SNRPB: variants seen among roughly 807,000 people sequenced by gnomAD.
SNRPB encodes the protein small nuclear ribonucleoprotein-associated proteins B and B'.
SNRPB carries 5 observed loss-of-function variants against 26.6 expected under a neutral mutation model. The observed-to-expected ratio is 0.19, with a 90% confidence interval of 0.10 to 0.39. The LOEUF (loss-of-function observed/expected upper bound fraction) is 0.39, where lower values mean the gene tolerates loss of function less well. SNRPB is among the 10% of genes least tolerant of loss of function. The probability of loss-of-function intolerance (pLI) is 1.00; values close to 1 mark genes in which losing one functional copy is unlikely to be tolerated. For missense variants in SNRPB, 211 were observed against 311.9 expected, an observed-to-expected ratio of 0.68 and a Z score of 2.44; for synonymous variants, 122 against 105.8, an observed-to-expected ratio of 1.15 and a Z score of -0.94.
intron 3 of SNRPB, among the ~76,000 whole-genome samples, chr20:2,465,092 T>C (rs995164970): frequency 6.6e-6 from 1 of 152,214 alleles, no homozygotes; most frequent in Admixed American, 6.5e-5. Context: ...AGAATTTATC[T>C]CTAAAGAGAC....
Position 2,465,776 on chromosome 20 carries a change from G to A in SNRPB, c.199C>T (p.Leu67Phe). 1 of 1,613,592 alleles carries A rather than the reference G, an allele frequency of 6.2e-7. No individual in the cohort carries two copies. Among genetic ancestry groups the A allele is most frequent in the Admixed American group, 1.7e-5 (1 of 59,958 alleles). The change falls in exon 3 of 7, where the codon CTC (leucine) becomes TTC (phenylalanine). Residue 67 changes from leucine to phenylalanine, a missense_variant. Leu to Phe is a conservative substitution (Grantham distance 22). Coordinates refer to ENST00000381342, the MANE Select transcript of SNRPB (RefSeq NM_003091.4). ...KQAEREEKRV[L>F]GLVLLRGENL... Reference sequence around the variant, plus strand: ...TCCCCTCGCAGCAGCACCAGACCGAGGACTCGCTTCTCTTCCCTTTCTGCT... The same window carrying A: ...TCCCCTCGCAGCAGCACCAGACCGAAGACTCGCTTCTCTTCCCTTTCTGCT...
At position 2,465,793 on chromosome 20, in the gene SNRPB, C is replaced by T. The variant is rs1378977304; in HGVS notation, c.182G>A (p.Arg61Lys). ...CAGACCGAGGACTCGCTTCTCTTCC[C>T]TTTCTGCTTGTTTGGAGTTCTTTGG... ...IKPKNSKQAE[R>K]EEKRVLGLVL... The change falls in exon 3 of 7, where the codon AGG becomes AAG. Residue 61 changes from arginine (R) to lysine (K), a missense_variant. By Grantham distance (26) the Arg-to-Lys change is conservative. Transcript: ENST00000381342. 1.2e-6 allele frequency: 2 copies of T among 1,613,588 alleles called. No homozygotes were observed. Among genetic ancestry groups the T allele is most frequent in the South Asian group, 2.2e-5 (2 of 91,050 alleles).
chr20:2,462,466 G>C, intron 6 of SNRPB, 170 bp downstream of exon 6: 1 of 699,536 alleles, frequency 1.4e-6, no homozygotes. Flanking sequence ...TTTCTAAGAG[G>C]GGAGGTAAGC....
At position 2,463,741 on chromosome 20, in the gene SNRPB, C is replaced by T. The variant is rs1205446540; in HGVS notation, c.420+6G>A. 1.3e-6 allele frequency: 2 copies of T among 1,573,954 alleles called. No individual in the cohort carries two copies. The highest frequency in any genetic ancestry group is 4.5e-5 in the East Asian group (2 of 44,174). Reference sequence around the variant, plus strand: ...AGGAGGTGGTACCCTTTCCCCAACTCCTCACCTGTTGGGATGGCCCGCCAA... The same window carrying T: ...AGGAGGTGGTACCCTTTCCCCAACTTCTCACCTGTTGGGATGGCCCGCCAA... On this transcript the variant is annotated splice_donor_region_variant and intron_variant, in intron 4 of 6. Coordinates refer to ENST00000381342, the MANE Select transcript of SNRPB (RefSeq NM_003091.4). The surrounding 1 kb of genome is among the most constrained non-coding windows in gnomAD (Gnocchi z 5.0).
At chr20:2,469,662 C>T (rs2085099653) in intron 1 of SNRPB, among the ~76,000 whole-genome samples, 1 of 152,128 alleles carries the variant, frequency 6.6e-6, no homozygotes, top group Admixed American at 6.5e-5. Flanking sequence ...CACCGCACTC[C>T]AGCCTGGGCA....
intron 3 of SNRPB, among the ~76,000 whole-genome samples, chr20:2,465,197 C>T (rs73892441): frequency 2.9e-4 from 44 of 152,300 alleles, no homozygotes; most frequent in African/African-American, 7.9e-4. Flanking sequence ...CACACATTTC[C>T]TATTGTTTCG....
Position 2,461,648 on chromosome 20 carries a change from T to A in SNRPB, c.*281A>T. 1 of 709,374 alleles carries A rather than the reference T, an allele frequency of 1.4e-6. No individual in the cohort carries two copies. The highest frequency in any genetic ancestry group is 2.3e-6 in the Non-Finnish European group (1 of 437,272). 43.9% of individuals were successfully genotyped at this position (709,374 alleles called of 1,614,324 possible). A position where few individuals can be genotyped will look rare whatever the true frequency, so the allele number is the denominator to read the frequency against. ...AGATCCATAGGTGCAATTATAATGT[T>A]CTCTTAAGAGTTTATTATAAACCAG... On this transcript the variant is annotated 3_prime_UTR_variant, in exon 7 of 7. Coordinates refer to ENST00000381342, the MANE Select transcript of SNRPB (RefSeq NM_003091.4).
chr20:2,465,687 A>C lies in SNRPB; in HGVS notation c.267+21T>G, dbSNP rs772802355. On this transcript the variant is annotated intron_variant, in intron 3 of 6. Coordinates refer to ENST00000381342, the MANE Select transcript of SNRPB (RefSeq NM_003091.4). ...ACAGTAGGGCCTCCCCTCCTCCACA[A>C]GGCTTCCTGCTCTGACTTACATCTT... is the stretch of plus-strand genomic sequence containing the variant. 2.1e-5 allele frequency: 32 copies of C among 1,544,594 alleles called. No homozygotes were observed. The Middle Eastern group carries it at 6.7e-4, about 32-fold the overall frequency.
intron 1 of SNRPB, among the ~76,000 whole-genome samples, chr20:2,470,195 A>G (rs1456572383): frequency 6.6e-6 from 1 of 152,162 alleles, no homozygotes; most frequent in Non-Finnish European, 1.5e-5. Flanking sequence ...TCCATTCGCC[A>G]TCACCCTCCT....
rs1418142336 is a variant in SNRPB at position 2,463,937 on chromosome 20, CT to C, written c.268-39del. 1 of 1,578,098 alleles carries C rather than the reference CT, an allele frequency of 6.3e-7. No homozygotes were observed. The highest frequency in any genetic ancestry group is 1.7e-5 in the Admixed American group (1 of 59,026). The stretch of plus-strand genomic sequence containing the variant: ...CAAATATGCTCTGATGCCCAGTGAT[CT>C]GAAGATCAGAAGTATACTTTGGAAT... On this transcript the variant is annotated intron_variant, in intron 3 of 6. Coordinates refer to ENST00000381342, the MANE Select transcript of SNRPB (RefSeq NM_003091.4). The surrounding 1 kb of genome is among the most constrained non-coding windows in gnomAD (Gnocchi z 5.0).
At position 2,461,867 on chromosome 20, in the gene SNRPB, G is replaced by A. The variant is rs762054024; in HGVS notation, c.*62C>T. Reference sequence around the variant, plus strand: ...AAGAAACAAACAGGTCTGTGGTAACGTGGCCCTGAGGAATCGAGCCCACGC... The same window carrying A: ...AAGAAACAAACAGGTCTGTGGTAACATGGCCCTGAGGAATCGAGCCCACGC... On this transcript the variant is annotated 3_prime_UTR_variant, in exon 7 of 7. Coordinates refer to ENST00000381342, the MANE Select transcript of SNRPB (RefSeq NM_003091.4). 1.6e-5 allele frequency: 26 copies of A among 1,613,714 alleles called. No homozygotes were observed. In the South Asian group the frequency reaches 2.3e-4, roughly 14 times the overall value.
At chr20:2,467,358 G>A (rs751694924) in intron 2 of SNRPB, 4 of 589,524 alleles carry the variant, frequency 6.8e-6, no homozygotes, top group Admixed American at 2.4e-5. Context: ...GTACCCAGGG[G>A]CACGCAAAGT....
chr20:2,470,583 C>T, intron 1 of SNRPB, 105 bp downstream of exon 1: 2 of 1,451,884 alleles, frequency 1.4e-6, no homozygotes, highest in Non-Finnish European at 9.6e-7. Context: ...CAGGCCTTCA[C>T]CGCCCTAAGT....
chr20:2,463,947 GA>G lies in SNRPB; in HGVS notation c.268-49del. 6.5e-7 allele frequency: 1 copy of G among 1,529,302 alleles called. No individual in the cohort carries two copies. Among genetic ancestry groups the G allele is most frequent in the Non-Finnish European group, 9.0e-7 (1 of 1,108,656 alleles). 94.7% of individuals were successfully genotyped at this position (1,529,302 alleles called of 1,614,324 possible). ...CTGATGCCCAGTGATCTGAAGATCAGAAGTATACTTTGGAATATCATTGCCA... is the reference window on the plus strand; with the variant it reads ...CTGATGCCCAGTGATCTGAAGATCAGAGTATACTTTGGAATATCATTGCCA... On this transcript the variant is annotated intron_variant, in intron 3 of 6. Coordinates refer to ENST00000381342, the MANE Select transcript of SNRPB (RefSeq NM_003091.4). The surrounding 1 kb of genome is among the most constrained non-coding windows in gnomAD (Gnocchi z 5.0).
intron 1 of SNRPB, among the ~76,000 whole-genome samples, chr20:2,468,864 T>C (rs1280088712): frequency 6.6e-6 from 1 of 152,166 alleles, no homozygotes; most frequent in Non-Finnish European, 1.5e-5. Context: ...AGGTGGAGGC[T>C]GCAGTGAACT....
At chr20:2,467,572 C>A (rs778802860) in intron 2 of SNRPB, 35 bp downstream of exon 2, 1 of 1,602,706 alleles carries the variant, frequency 6.2e-7, no homozygotes, top group Non-Finnish European at 8.5e-7. Context: ...CCATTCCCAT[C>A]CTCCAGTCTC....
In SNRPB at chr20:2,463,895, C is replaced by T; in HGVS notation, c.272G>A (p.Gly91Asp). 1 of 1,612,818 alleles carries T rather than the reference C, an allele frequency of 6.2e-7. No individual in the cohort carries two copies. Among genetic ancestry groups the T allele is most frequent in the Non-Finnish European group, 8.5e-7 (1 of 1,179,326 alleles). The change falls in exon 4 of 7, where the codon GGT becomes GAT. Residue 91 changes from glycine (G) to aspartate (D), a missense_variant. Physicochemically the swap from Gly to Asp is moderately conservative, Grantham distance 94. Coordinates refer to ENST00000381342, the MANE Select transcript of SNRPB (RefSeq NM_003091.4). This position sits in a 1 kb window ranked among gnomAD's most constrained non-coding sequence, Gnocchi z 5.0. ...TCCAGCAAGTGGAACTCGAGCAATA[C>T]CAGTCTGAAAAATAAACAAATATGC... ...TVEGPPPKDT[G>D]IARVPLAGAA... is the part of the protein sequence containing the mutation.
intron 3 of SNRPB, 122 bp downstream of exon 3, chr20:2,465,586 T>C: frequency 4.5e-6 from 3 of 673,918 alleles, no homozygotes; most frequent in Non-Finnish European, 7.7e-6. Context: ...TCATTTATTA[T>C]CTGAAAAAGG....
intron 2 of SNRPB, among the ~76,000 whole-genome samples, chr20:2,466,298 G>A (rs1001688019): frequency 6.6e-6 from 1 of 152,090 alleles, no homozygotes; most frequent in African/African-American, 2.4e-5. Context: ...TCAGAAATAG[G>A]AGAAGCCATA....
Sources: allele counts gnomAD v4.1 joint callset (sites outside exome capture counted in the v4.1 genomes callset), GRCh38; gene constraint gnomAD v4.1.1; non-coding constraint Gnocchi (gnomAD v3.1); transcripts MANE v1.5; gene names NCBI Gene and HGNC (gene_info 2026-07-23, HGNC 2026-07-21).